The following KCTD3 variants were observed in gnomAD, a reference collection of about 807,000 sequenced individuals.
KCTD3 encodes potassium channel tetramerization domain containing 3.
Under a neutral mutation model 85.8 loss-of-function variants are expected in KCTD3, and 41 were observed. That is an observed-to-expected ratio of 0.48 (90% CI 0.37 to 0.62). The LOEUF (loss-of-function observed/expected upper bound fraction) is 0.62, where lower values mean the gene tolerates loss of function less well. KCTD3 is among the 20% of genes least tolerant of loss of function. The pLI, the probability that KCTD3 is intolerant of heterozygous loss-of-function variation, is 0.00. For missense variants in KCTD3, 724 were observed against 989.9 expected (o/e 0.73, Z 3.60); for synonymous variants, 338 against 345.4 (o/e 0.98, Z 0.24).
chr1:215,577,336 A>G (rs199544794), intron 4 of KCTD3, among the ~76,000 whole-genome samples: 1 of 152,158 alleles, frequency 6.6e-6, no homozygotes, highest in East Asian at 1.9e-4. Context: ...AACTAATGCC[A>G]TAAAAGAATG....
chr1:215,581,002 C>A (rs571131543), intron 8 of KCTD3: 130 of 460,350 alleles, frequency 2.8e-4, no homozygotes, highest in African/African-American at 2.6e-3. Context: ...TGGGTCACGC[C>A]TGTAATCCCA....
chr1:215,583,329 C>T (rs1283163832), intron 8 of KCTD3, among the ~76,000 whole-genome samples: 1 of 152,120 alleles, frequency 6.6e-6, no homozygotes, highest in Admixed American at 6.5e-5. Flanking sequence ...CCTTTTTAGA[C>T]CATATAGGGT....
chr1:215,619,125 G>A, intron 16 of KCTD3, 28 bp from the exon 17 acceptor site: 1 of 1,609,440 alleles, frequency 6.2e-7, no homozygotes, highest in Non-Finnish European at 8.5e-7. Context: ...TCACTTAAGT[G>A]ATTTTAATGA....
In KCTD3 at chr1:215,581,054, C is replaced by T. The variant is rs539768454; in HGVS notation, c.626+1055C>T. The T allele has an allele frequency of 1.5e-4, 60 of 411,034 alleles. No homozygotes were observed. The Middle Eastern group carries it at 1.8e-3, about 13-fold the overall frequency. 25.5% of individuals were successfully genotyped at this position (411,034 alleles called of 1,614,324 possible). The stretch of plus-strand genomic sequence containing the variant: ...AGATGGGTGGAGTTCAAGATCAGCC[C>T]GACCAACATGGTGAAACCCCATCTC... On this transcript the variant is annotated intron_variant, in intron 8 of 17. Coordinates refer to ENST00000259154, the MANE Select transcript of KCTD3 (RefSeq NM_016121.5).
chr1:215,596,682 ATACCT>A (rs1660427915), intron 10 of KCTD3, among the ~76,000 whole-genome samples: 1 of 152,194 alleles, frequency 6.6e-6, no homozygotes. Flanking sequence ...GCAAATTCAA[ATACCT>A]TTCAAGAAGT....
chr1:215,572,186 A>G (rs1441940842), intron 1 of KCTD3, among the ~76,000 whole-genome samples: 1 of 152,200 alleles, frequency 6.6e-6, no homozygotes, highest in African/African-American at 2.4e-5. Flanking sequence ...TCCGTTTTGT[A>G]CAGAACATTT....
At chr1:215,567,881 G>C (rs1659200179) in intron 1 of KCTD3, 113 bp downstream of exon 1, 2 of 695,366 alleles carry the variant, frequency 2.9e-6, no homozygotes, top group Non-Finnish European at 4.0e-6. Flanking sequence ...GGCCAAGCCT[G>C]GAGGGGAACG....
At chr1:215,578,958 G>A in intron 6 of KCTD3, 42 bp from the exon 7 acceptor site, 1 of 1,397,236 alleles carries the variant, frequency 7.2e-7, no homozygotes, top group Non-Finnish European at 9.6e-7. Context: ...ATTTTTGAAA[G>A]GTGAACTTAG....
intron 4 of KCTD3, among the ~76,000 whole-genome samples, chr1:215,576,940 A>C (rs2102557120): frequency 6.6e-6 from 1 of 152,354 alleles, no homozygotes; most frequent in South Asian, 2.1e-4. Context: ...TTAACATAGT[A>C]ATTGTATATA....
At chr1:215,572,319 A>G (rs1659399141) in intron 1 of KCTD3, among the ~76,000 whole-genome samples, 2 of 152,372 alleles carry the variant, frequency 1.3e-5, no homozygotes, top group South Asian at 2.1e-4. Context: ...AGAAAAAACA[A>G]CATCTACTTT....
At chr1:215,578,150 G>A in intron 6 of KCTD3, 69 bp downstream of exon 6, 1 of 1,229,062 alleles carries the variant, frequency 8.1e-7, no homozygotes, top group Non-Finnish European at 1.2e-6. Flanking sequence ...CATATGAATA[G>A]GAAAAACTGC....
chr1:215,613,898 T>A (rs1360294992), intron 15 of KCTD3, among the ~76,000 whole-genome samples: 2 of 152,168 alleles, frequency 1.3e-5, no homozygotes, highest in East Asian at 3.9e-4. Flanking sequence ...TTGGTTATTG[T>A]AGCCTTGTAG....
At chr1:215,574,239 G>A in intron 3 of KCTD3, 121 bp downstream of exon 3, 1 of 565,728 alleles carries the variant, frequency 1.8e-6, no homozygotes, top group Non-Finnish European at 3.0e-6. Flanking sequence ...AATGAAAGTG[G>A]CATAATTTTA....
intron 9 of KCTD3, among the ~76,000 whole-genome samples, chr1:215,592,071 A>G (rs1660246356): frequency 6.6e-6 from 1 of 152,174 alleles, no homozygotes. Context: ...TTGTGAGACA[A>G]TCCATTCCCT....
At chr1:215,594,887 C>G (rs1660356744) in intron 9 of KCTD3, among the ~76,000 whole-genome samples, 1 of 152,056 alleles carries the variant, frequency 6.6e-6, no homozygotes, top group African/African-American at 2.4e-5. Context: ...TAGACACATT[C>G]TAGATAGTTA....
chr1:215,588,481 G>A (rs181404911), intron 9 of KCTD3, among the ~76,000 whole-genome samples: 74 of 151,976 alleles, frequency 4.9e-4, no homozygotes, highest in African/African-American at 1.7e-3. Flanking sequence ...TGGCAGAGAA[G>A]AATGCAATGG....
intron 4 of KCTD3, among the ~76,000 whole-genome samples, chr1:215,577,107 G>A (rs1420472502): frequency 2.0e-5 from 3 of 150,020 alleles, no homozygotes; most frequent in African/African-American, 7.3e-5. Flanking sequence ...ATTTCATCTG[G>A]ATAACATAGC....
intron 4 of KCTD3, among the ~76,000 whole-genome samples, chr1:215,576,448 A>G (rs1464708938): frequency 1.3e-5 from 2 of 151,886 alleles, no homozygotes; most frequent in African/African-American, 2.4e-5. Flanking sequence ...GTACACGCCT[A>G]TAATCCCAGC....
intron 1 of KCTD3, among the ~76,000 whole-genome samples, chr1:215,569,674 C>G (rs1048398692): frequency 3.3e-5 from 5 of 150,568 alleles, no homozygotes; most frequent in African/African-American, 1.2e-4. Flanking sequence ...CGGCTCACTG[C>G]AAGCTCCGCC....
Sources: gnomAD v4.1 joint callset for allele counts (sites outside exome capture counted in the v4.1 genomes callset) on GRCh38, gnomAD v4.1.1 for gene constraint, MANE v1.5 for transcripts, NCBI Gene and HGNC (gene_info 2026-07-23, HGNC 2026-07-21) for gene names.